The following FRMD5 variants were observed in gnomAD, a reference collection of about 807,000 sequenced individuals.
The protein encoded by FRMD5 is FERM domain-containing protein 5.
A neutral mutation model predicts 69.0 loss-of-function variants in FRMD5; 20 were observed. The ratio of observed to expected loss-of-function variants is 0.29; its 90% CI spans 0.20 to 0.42. FRMD5 has a LOEUF of 0.42. FRMD5 is among the 10% of genes least tolerant of loss of function. The pLI, the probability that FRMD5 is intolerant of heterozygous loss-of-function variation, is 1.00. For missense variants in FRMD5, 595 were observed against 708.6 expected (o/e 0.84, Z 1.82); for synonymous variants, 271 against 260.1 (o/e 1.04, Z -0.40).
intron 1 of FRMD5, among the ~76,000 whole-genome samples, chr15:44,020,625 A>G (rs2140249907): frequency 6.6e-6 from 1 of 152,372 alleles, no homozygotes; most frequent in Non-Finnish European, 1.5e-5. Context: ...CATATGAGTG[A>G]CTTCTTTGCT....
chr15:44,022,008 A>T (rs538062368), intron 1 of FRMD5, among the ~76,000 whole-genome samples: 1 of 152,322 alleles, frequency 6.6e-6, no homozygotes, highest in African/African-American at 2.4e-5. Flanking sequence ...CCTTGAAAAC[A>T]TTATGCTAAG....
At chr15:43,969,587 A>G (rs188666043) in intron 1 of FRMD5, among the ~76,000 whole-genome samples, 136 of 152,338 alleles carry the variant, frequency 8.9e-4, no homozygotes, top group African/African-American at 3.2e-3. Flanking sequence ...ATTTCTATAT[A>G]TAAATATTGC....
chr15:44,048,082 T>C (rs540933244), intron 1 of FRMD5, among the ~76,000 whole-genome samples: 15 of 152,200 alleles, frequency 9.9e-5, no homozygotes, highest in Non-Finnish European at 1.9e-4. Context: ...AGGAGTGGTA[T>C]TGCTGGGTCA....
chr15:44,197,695 A>AG (rs201003157), upstream of FRMD5, among the ~76,000 whole-genome samples: 1,217 of 150,578 alleles, frequency 8.1e-3, 18 homozygotes, highest in African/African-American at 0.029. Flanking sequence ...AAAAAAAAAA[A>AG]AAAGAAAGAA....
intron 1 of FRMD5, among the ~76,000 whole-genome samples, chr15:43,972,698 G>C (rs1265627237): frequency 6.6e-6 from 1 of 152,126 alleles, no homozygotes; most frequent in East Asian, 1.9e-4. Flanking sequence ...TGGTTTTCTA[G>C]CCTCCACGTG....
intron 1 of FRMD5, among the ~76,000 whole-genome samples, chr15:43,966,735 T>C (rs1013658037): frequency 1.3e-5 from 2 of 152,186 alleles, no homozygotes; most frequent in African/African-American, 2.4e-5. Flanking sequence ...GGTTGTGAGG[T>C]AGCTGGAAAG....
At chr15:44,107,502 T>C (rs1227748412) in intron 1 of FRMD5, among the ~76,000 whole-genome samples, 2 of 152,212 alleles carry the variant, frequency 1.3e-5, no homozygotes, top group African/African-American at 2.4e-5. Context: ...TGCTCTTTAT[T>C]ACACATCTCT....
In FRMD5 at chr15:43,873,445, A is replaced by C; in HGVS notation, c.*440T>G. On this transcript the variant is annotated 3_prime_UTR_variant, in exon 14 of 14. Transcript: ENST00000417257. ...ACTGGAACCCAGTGGCACCAGCAGGAAAAGCTCCTGCAGAATACAGAGGAC... is the reference window on the plus strand; with the variant it reads ...ACTGGAACCCAGTGGCACCAGCAGGCAAAGCTCCTGCAGAATACAGAGGAC... 9.8e-6 allele frequency: 14 copies of C among 1,429,564 alleles called. No homozygotes were observed. The highest frequency in any genetic ancestry group is 1.3e-5 in the Non-Finnish European group (14 of 1,101,758). The allele number at this position is 1,429,564 out of a possible 1,614,324, so 88.6% of individuals were successfully genotyped here.
chr15:43,992,805 C>T (rs1242649241), intron 1 of FRMD5, among the ~76,000 whole-genome samples: 1 of 152,120 alleles, frequency 6.6e-6, no homozygotes, highest in African/African-American at 2.4e-5. Context: ...CAAACTCAGG[C>T]TCAAGTGGTC....
In FRMD5 at chr15:43,874,302, G is replaced by C; in HGVS notation, c.1296C>G (p.Pro432=). ...EAYSPADSVL[P]TPVAEHSLEL... is the part of the protein sequence containing the mutation. Reference sequence around the variant, plus strand: ...CCAGGCTGTGCTCAGCCACAGGGGTGGGCAGCACGCTGTCTGCAGGGCTGT... The same window carrying C: ...CCAGGCTGTGCTCAGCCACAGGGGTCGGCAGCACGCTGTCTGCAGGGCTGT... The change falls in exon 14 of 14, where the codon CCC becomes CCG. Residue 432 remains proline (P), a synonymous_variant. Coordinates refer to ENST00000417257, the MANE Select transcript of FRMD5 (RefSeq NM_032892.5). 1 of 1,614,198 alleles carries C rather than the reference G, an allele frequency of 6.2e-7. No individual in the cohort carries two copies. The highest frequency in any genetic ancestry group is 8.5e-7 in the Non-Finnish European group (1 of 1,180,040).
chr15:44,117,114 A>T (rs1459491779), intron 1 of FRMD5, among the ~76,000 whole-genome samples: 1 of 152,076 alleles, frequency 6.6e-6, no homozygotes, highest in African/African-American at 2.4e-5. Context: ...TAAAAAAAAA[A>T]AAAAAGTGTG....
Position 44,057,217 on chromosome 15 carries a change from G to A in FRMD5, c.103-132908C>T, listed in dbSNP as rs370522748. Among the ~76,000 whole-genome samples the A allele has an allele frequency of 2.6e-4, 40 of 151,662 alleles. 2 individuals carry two copies. In the South Asian group the frequency reaches 7.1e-3, roughly 27 times the overall value. ...TCGGCTCACTGCCACCTCTGGCTCC[G>A]GGGTTCAAGCGATTCTCCTGCCTCA... On this transcript the variant is annotated intron_variant, in intron 1 of 13. Coordinates refer to ENST00000417257, the MANE Select transcript of FRMD5 (RefSeq NM_032892.5).
chr15:43,953,704 C>T (rs566177997), intron 1 of FRMD5, among the ~76,000 whole-genome samples: 22 of 152,334 alleles, frequency 1.4e-4, no homozygotes, highest in African/African-American at 5.3e-4. Context: ...CCTGTGCCAA[C>T]AGAGAGTGAT....
At chr15:44,084,213 AGAT>A (rs1329101092) in intron 1 of FRMD5, among the ~76,000 whole-genome samples, 1 of 152,040 alleles carries the variant, frequency 6.6e-6, no homozygotes, top group Non-Finnish European at 1.5e-5. Flanking sequence ...AATTTCAAGA[AGAT>A]GATAACACAC....
chr15:44,111,080 AAT>A (rs2076788913), intron 1 of FRMD5, among the ~76,000 whole-genome samples: 1 of 152,212 alleles, frequency 6.6e-6, no homozygotes, highest in Non-Finnish European at 1.5e-5. Flanking sequence ...ACCTGCTGTA[AAT>A]ATGACGTTCT....
At chr15:44,145,179 G>A (rs2077338283) in intron 1 of FRMD5, among the ~76,000 whole-genome samples, 2 of 152,150 alleles carry the variant, frequency 1.3e-5, no homozygotes, top group Admixed American at 1.3e-4. Flanking sequence ...CATTTGTCCT[G>A]AGGTCCCAGT....
At chr15:44,162,263 C>CT (rs11357741) in intron 1 of FRMD5, among the ~76,000 whole-genome samples, 3,479 of 124,986 alleles carry the variant, frequency 0.028, 177 homozygotes, top group African/African-American at 0.097. Context: ...CGTGCCAGGC[C>CT]TTTTTTTTTT....
chr15:44,071,371 G>A (rs1311936787), intron 1 of FRMD5, among the ~76,000 whole-genome samples: 2 of 152,130 alleles, frequency 1.3e-5, no homozygotes, highest in Non-Finnish European at 2.9e-5. Context: ...AGGATGCAGT[G>A]AGCCATGATG....
chr15:44,185,400 A>G (rs1595568784), intron 1 of FRMD5, among the ~76,000 whole-genome samples: 2 of 152,330 alleles, frequency 1.3e-5, no homozygotes, highest in East Asian at 3.9e-4. Flanking sequence ...TTGCAGGCTT[A>G]ATATGCCTTA....
Sources: gnomAD v4.1 joint callset for allele counts (sites outside exome capture counted in the v4.1 genomes callset) on GRCh38, gnomAD v4.1.1 for gene constraint, MANE v1.5 for transcripts, NCBI Gene and HGNC (gene_info 2026-07-23, HGNC 2026-07-21) for gene names.